Variants in EPM2A observed in about 807,000 individuals in gnomAD.
EPM2A encodes the protein EPM2A glucan phosphatase, laforin.
In EPM2A, 21 loss-of-function variants were observed where a neutral mutation model predicts 26.5. That is an observed-to-expected ratio of 0.79 (90% CI 0.56 to 1.14). The LOEUF (loss-of-function observed/expected upper bound fraction) is 1.14. EPM2A is among the 50% of genes most tolerant of loss of function. The pLI is 0.00. For synonymous variants in EPM2A, 217 were observed against 177.6 expected, an observed-to-expected ratio of 1.22 and a Z score of -1.76; for missense variants, 458 against 440.8, an observed-to-expected ratio of 1.04 and a Z score of -0.35.
At chr6:145,591,779 A>G (rs1181460389) in intron 2 of EPM2A, among the ~76,000 whole-genome samples, 2 of 152,086 alleles carry the variant, frequency 1.3e-5, no homozygotes, top group African/African-American at 2.4e-5. Flanking sequence ...AAGGTAAAAT[A>G]AAATATTTTG....
chr6:145,427,113 T>A (rs1778862842), intron 4 of EPM2A, among the ~76,000 whole-genome samples: 1 of 152,214 alleles, frequency 6.6e-6, no homozygotes, highest in Non-Finnish European at 1.5e-5. Context: ...TGACACAGCA[T>A]CATTCAACAA....
At chr6:145,735,726 T>G, upstream of EPM2A, 2 of 839,664 alleles carry the variant, frequency 2.4e-6, no homozygotes, top group Non-Finnish European at 2.9e-6. Context: ...TGCCTCTTTG[T>G]GCCCCGCAAC....
At chr6:145,419,801 A>G (rs1778758646) in intron 4 of EPM2A, among the ~76,000 whole-genome samples, 1 of 152,194 alleles carries the variant, frequency 6.6e-6, no homozygotes. Flanking sequence ...ACCATTCTGA[A>G]TAATTTACTA....
At position 145,574,905 on chromosome 6, in the gene EPM2A, G is replaced by A. The variant is rs542939991; in HGVS notation, c.340+60340C>T. 1.2e-4 allele frequency among the ~76,000 whole-genome samples: 19 copies of A among 152,128 alleles called. No individual in the cohort carries two copies. In the South Asian group the frequency reaches 1.5e-3, roughly 12 times the overall value. On this transcript the variant is annotated intron_variant, in intron 2 of 3. Coordinates refer to the EPM2A transcript ENST00000450221. ...CACCCTTAATATCTATTCCCATGCC[G>A]TTCTCCATATTTCTGCTTATATAAA...
intron 1 of EPM2A, among the ~76,000 whole-genome samples, chr6:145,713,730 T>A (rs184513212): frequency 1.2e-4 from 19 of 152,332 alleles, no homozygotes; most frequent in Admixed American, 2.6e-4. Flanking sequence ...CCAGTTCCAC[T>A]TCTGGGTACA....
intron 2 of EPM2A, among the ~76,000 whole-genome samples, chr6:145,663,093 A>G (rs1453379734): frequency 6.6e-6 from 1 of 152,174 alleles, no homozygotes; most frequent in Non-Finnish European, 1.5e-5. Context: ...ATAGCAGTAA[A>G]AAAAATGTGA....
chr6:145,659,362 C>A (rs1778522332), intron 2 of EPM2A, among the ~76,000 whole-genome samples: 1 of 152,050 alleles, frequency 6.6e-6, no homozygotes, highest in African/African-American at 2.4e-5. Flanking sequence ...AATTTTGAGG[C>A]AGCATTGTAC....
In EPM2A at chr6:145,625,647, T is replaced by G. The variant is rs903532293; in HGVS notation, c.*1769A>C. On this transcript the variant is annotated 3_prime_UTR_variant, in exon 4 of 4. Transcript: ENST00000367519. The stretch of plus-strand genomic sequence containing the variant: ...CTCTAGTTATTTTTAGCAAGGGAGC[T>G]GGACTTCACTTTACTTAATGCTAGC... The G allele has an allele frequency of 1.9e-5, 14 of 727,282 alleles. No homozygotes were observed. The Admixed American group carries it at 2.6e-4, about 13-fold the overall frequency. The allele number at this position is 727,282 out of a possible 1,614,324, so 45.1% of individuals were successfully genotyped here.
At chr6:145,467,576 T>C (rs1330693754) in intron 4 of EPM2A, among the ~76,000 whole-genome samples, 2 of 152,182 alleles carry the variant, frequency 1.3e-5, no homozygotes, top group East Asian at 3.8e-4. Flanking sequence ...TCTTGGCTAT[T>C]ATTACATTTT....
At chr6:145,545,178 T>C (rs891102431) in intron 2 of EPM2A, among the ~76,000 whole-genome samples, 2 of 143,596 alleles carry the variant, frequency 1.4e-5, no homozygotes, top group Non-Finnish European at 3.1e-5. Flanking sequence ...TTCACTCTTA[T>C]TACTTAGAAA....
intron 2 of EPM2A, among the ~76,000 whole-genome samples, chr6:145,656,992 T>A (rs1183861121): frequency 6.6e-6 from 1 of 152,152 alleles, no homozygotes; most frequent in Non-Finnish European, 1.5e-5. Flanking sequence ...TCAGGCAGAA[T>A]TCGTGTTAGA....
At chr6:145,714,307 T>C (rs1009203989) in intron 1 of EPM2A, among the ~76,000 whole-genome samples, 3 of 152,326 alleles carry the variant, frequency 2.0e-5, no homozygotes, top group African/African-American at 7.2e-5. Context: ...TCCTCCTGTA[T>C]GCAGTAAGCC....
intron 3 of EPM2A, 40 bp from the exon 4 acceptor site, chr6:145,627,733 A>ACCAC: frequency 8.7e-6 from 14 of 1,604,960 alleles, no homozygotes; most frequent in Non-Finnish European, 1.0e-5. Context: ...GAATAACTAA[A>ACCAC]CCACCAGATA....
intron 2 of EPM2A, among the ~76,000 whole-genome samples, chr6:145,584,083 T>C (rs1781153433): frequency 6.6e-6 from 1 of 152,222 alleles, no homozygotes; most frequent in South Asian, 2.1e-4. Flanking sequence ...ACACATGTCC[T>C]ATCAGTGAAG....
At chr6:145,482,515 T>A (rs1340969842) in intron 4 of EPM2A, among the ~76,000 whole-genome samples, 1 of 152,158 alleles carries the variant, frequency 6.6e-6, no homozygotes. Context: ...AGAGCCTCTA[T>A]TTATTTAAAT....
At chr6:145,487,409 A>G (rs1779692157) in intron 4 of EPM2A, among the ~76,000 whole-genome samples, 1 of 152,214 alleles carries the variant, frequency 6.6e-6, no homozygotes, top group South Asian at 2.1e-4. Flanking sequence ...GTCTTTGAGG[A>G]ATCGCCACAC....
rs186686048 is a variant in EPM2A, at chr6:145,478,875, C to G, written c.555+23647G>C. Among the ~76,000 whole-genome samples the G allele has an allele frequency of 1.8e-4, 28 of 151,718 alleles. No homozygotes were observed. In the East Asian group the frequency reaches 5.2e-3, roughly 28 times the overall value. The stretch of plus-strand genomic sequence containing the variant: ...TAGTCTGTATGATAATAATTTTACA[C>G]AAGTTATTAAGATCTGCTTTTGGCT... On this transcript the variant is annotated intron_variant, in intron 4 of 4. Transcript: ENST00000638717.
chr6:145,594,884 G>C (rs1160789956), intron 2 of EPM2A, among the ~76,000 whole-genome samples: 1 of 151,156 alleles, frequency 6.6e-6, no homozygotes, highest in Non-Finnish European at 1.5e-5. Context: ...TACATAGTGA[G>C]GATTTATAAA....
intron 2 of EPM2A, among the ~76,000 whole-genome samples, chr6:145,554,697 G>A (rs1019854711): frequency 6.6e-6 from 1 of 152,054 alleles, no homozygotes; most frequent in African/African-American, 2.4e-5. Context: ...GGAAGAATGT[G>A]CTCCTCATAT....
Sources: allele counts gnomAD v4.1 joint callset (sites outside exome capture counted in the v4.1 genomes callset), GRCh38; gene constraint gnomAD v4.1.1; transcripts MANE v1.5; gene names NCBI Gene and HGNC (gene_info 2026-07-23, HGNC 2026-07-21).